The following DOCK6 variants were observed in gnomAD, a reference collection of about 807,000 sequenced individuals.
DOCK6 encodes dedicator of cytokinesis protein 6.
DOCK6 carries 167 observed loss-of-function variants against 230.3 expected under a neutral mutation model. That is an observed-to-expected ratio of 0.73 (90% CI 0.64 to 0.82). The LOEUF (loss-of-function observed/expected upper bound fraction) is 0.82. DOCK6 is among the 40% of genes least tolerant of loss of function. DOCK6 has a pLI of 0.00. For missense variants in DOCK6, 2,598 were observed against 2,825.8 expected (o/e 0.92, Z 1.83); for synonymous variants, 1,148 against 1,185.0 (o/e 0.97, Z 0.64).
intron 39 of DOCK6, among the ~76,000 whole-genome samples, chr19:11,204,629 T>C (rs1456466268): frequency 6.6e-6 from 1 of 152,038 alleles, no homozygotes; most frequent in African/African-American, 2.4e-5. Context: ...AACCTCCAAC[T>C]CCTGGGCTCA....
Position 11,216,908 on chromosome 19 carries a change from T to G in DOCK6, c.3894+6A>C, listed in dbSNP as rs2079497678. 1 of 1,613,564 alleles carries G rather than the reference T, an allele frequency of 6.2e-7. No individual in the cohort carries two copies. The highest frequency in any genetic ancestry group is 1.1e-5 in the South Asian group (1 of 91,066). On this transcript the variant is annotated splice_donor_region_variant and intron_variant, in intron 30 of 47. Coordinates refer to ENST00000294618, the MANE Select transcript of DOCK6 (RefSeq NM_020812.4). ...CCTCCATCATCTCCTGCCCACGCCC[T>G]CAAACCTTGTACTCAAAGGCAGCTA... is the stretch of plus-strand genomic sequence containing the variant.
At chr19:11,219,184 T>G (rs1294225246) in intron 28 of DOCK6, among the ~76,000 whole-genome samples, 2 of 121,056 alleles carry the variant, frequency 1.7e-5, no homozygotes, top group Admixed American at 8.5e-5. Flanking sequence ...GTTTTTTTTT[T>G]TTTTTTTTTT....
intron 39 of DOCK6, among the ~76,000 whole-genome samples, chr19:11,207,144 TTAA>T (rs2079275901): frequency 6.6e-6 from 1 of 152,130 alleles, no homozygotes; most frequent in Non-Finnish European, 1.5e-5. Context: ...GGGATTTGCT[TTAA>T]GCTGGAGCTT....
intron 3 of DOCK6, 37 bp from the exon 4 acceptor site, chr19:11,252,587 G>T (rs779931176): frequency 1.2e-6 from 2 of 1,613,088 alleles, no homozygotes; most frequent in Non-Finnish European, 1.7e-6. Context: ...CAGAGACAAG[G>T]CCTCTGTGAA....
intron 14 of DOCK6, chr19:11,240,111 A>G (rs1337063680): frequency 1.9e-6 from 3 of 1,551,360 alleles, no homozygotes; most frequent in Non-Finnish European, 2.6e-6. Context: ...ACATCCTACT[A>G]GTGACCCACT....
rs977509262 is a variant in DOCK6, at chr19:11,245,991, G to C, written c.807-113C>G. 7.6e-6 allele frequency: 9 copies of C among 1,183,990 alleles called. No individual in the cohort carries two copies. The Admixed American group carries it at 2.2e-4, about 29-fold the overall frequency. 73.3% of individuals were successfully genotyped at this position (1,183,990 alleles called of 1,614,324 possible). On this transcript the variant is annotated intron_variant, in intron 7 of 47. Coordinates refer to ENST00000294618, the MANE Select transcript of DOCK6 (RefSeq NM_020812.4). The stretch of plus-strand genomic sequence containing the variant: ...CATCTGACTCCCACTGGGCCACATG[G>C]AACCGCCACTTAAGGGCTTGCAGAA...
chr19:11,207,074 C>A (rs2079274521), intron 39 of DOCK6, among the ~76,000 whole-genome samples: 1 of 152,112 alleles, frequency 6.6e-6, no homozygotes, highest in Admixed American at 6.5e-5. Context: ...ACCTCGTGAT[C>A]CGCCTGCCTT....
chr19:11,219,663 G>A (rs555647456), intron 28 of DOCK6, among the ~76,000 whole-genome samples: 2 of 151,556 alleles, frequency 1.3e-5, no homozygotes, highest in African/African-American at 2.4e-5. Flanking sequence ...GGTGACGGGC[G>A]CCTGTAGTCC....
At chr19:11,225,487 T>A (rs2079648932) in intron 24 of DOCK6, among the ~76,000 whole-genome samples, 1 of 151,968 alleles carries the variant, frequency 6.6e-6, no homozygotes, top group African/African-American at 2.4e-5. Context: ...CCAGGCCATC[T>A]CCTGGCATGG....
In DOCK6 at chr19:11,215,931, G is replaced by C; in HGVS notation, c.3895-4C>G. The C allele has an allele frequency of 6.2e-7, 1 of 1,613,654 alleles. No individual in the cohort carries two copies. The highest frequency in any genetic ancestry group is 1.3e-5 in the African/African-American group (1 of 74,976). ...TGCGTTCAAAGGCCTTTTTCCCCTGGGGGTGCAGAGAACTGGGGTTCCAGG... is the reference window on the plus strand; with the variant it reads ...TGCGTTCAAAGGCCTTTTTCCCCTGCGGGTGCAGAGAACTGGGGTTCCAGG... On this transcript the variant is annotated splice_polypyrimidine_tract_variant and splice_region_variant and intron_variant, in intron 30 of 47. Coordinates refer to ENST00000294618, the MANE Select transcript of DOCK6 (RefSeq NM_020812.4).
chr19:11,227,314 C>A, intron 24 of DOCK6, 23 bp downstream of exon 24: 1 of 1,611,230 alleles, frequency 6.2e-7, no homozygotes, highest in Non-Finnish European at 8.5e-7. Flanking sequence ...TTTCTTCCCA[C>A]ATTGAGACCC....
At chr19:11,241,459 G>A (rs940570679) in intron 14 of DOCK6, 2 of 1,550,050 alleles carry the variant, frequency 1.3e-6, no homozygotes, top group African/African-American at 2.7e-5. Context: ...ACGCTGACAA[G>A]CAGAGCCACA....
rs36003864 is a variant in DOCK6 at position 11,216,977 on chromosome 19, T to C, written c.3831A>G (p.Thr1277=). ...CCAACAGACGTCCCAGCTGGGGGAGTGTCAGGTCAGTGGCCCAGCGCTGCA... is the reference window on the plus strand; with the variant it reads ...CCAACAGACGTCCCAGCTGGGGGAGCGTCAGGTCAGTGGCCCAGCGCTGCA... ...ALLQRWATDL[T]LPQLGRLLDL... is the part of the protein sequence containing the mutation. Residue 1277 remains threonine (T), a synonymous_variant, in exon 30 of 48, where the codon ACA becomes ACG. Transcript: ENST00000294618. The C allele has an allele frequency of 6.2e-6, 10 of 1,613,004 alleles. No homozygotes were observed. In the African/African-American group the frequency reaches 1.1e-4, roughly 17 times the overall value.
At chr19:11,228,863 G>T in intron 23 of DOCK6, 77 bp downstream of exon 23, 1 of 1,433,820 alleles carries the variant, frequency 7.0e-7, no homozygotes, top group Non-Finnish European at 9.7e-7. Context: ...TGCCTGGCCA[G>T]GGGGCTTCTC....
In DOCK6 at chr19:11,227,324, C is replaced by A; in HGVS notation, c.2955+13G>T. 1 of 1,613,106 alleles carries A rather than the reference C, an allele frequency of 6.2e-7. No homozygotes were observed. The highest frequency in any genetic ancestry group is 8.5e-7 in the Non-Finnish European group (1 of 1,179,298). On this transcript the variant is annotated intron_variant, in intron 24 of 47. Transcript: ENST00000294618. ...TCAGGTTTCTTCCCACATTGAGACC[C>A]TGCATCTCTCACCTTGTGGACACGG...
rs773463237 is a variant in DOCK6, at chr19:11,252,916, C to T, written c.175G>A (p.Val59Ile). 3 of 1,612,922 alleles carry T rather than the reference C, an allele frequency of 1.9e-6. No individual in the cohort carries two copies. The South Asian group carries it at 3.3e-5, about 18-fold the overall frequency. Residue 59 changes from valine to isoleucine, a missense_variant, in exon 3 of 48, where the codon GTA becomes ATA. Coordinates refer to ENST00000294618, the MANE Select transcript of DOCK6 (RefSeq NM_020812.4). Reference sequence around the variant, plus strand: ...GCATCTGGTGGCCGGCTCAGAAGTACATCCTCAAAGTCCAGGGGCTCGACA... The same window carrying T: ...GCATCTGGTGGCCGGCTCAGAAGTATATCCTCAAAGTCCAGGGGCTCGACA... Reference protein sequence around the residue: ...EVVEPLDFEDVLLSRPPDAEP... With the variant: ...EVVEPLDFEDILLSRPPDAEP...
chr19:11,239,616 G>A (rs1371542518), intron 14 of DOCK6: 5 of 1,613,178 alleles, frequency 3.1e-6, no homozygotes, highest in Non-Finnish European at 4.2e-6. Flanking sequence ...CAGTGCTGTG[G>A]CTATACCTTA....
rs2079774817 is a variant in DOCK6, at chr19:11,232,142, T to C, written c.2718+1061A>G. On this transcript the variant is annotated intron_variant, in intron 22 of 47. Transcript: ENST00000294618. ...CCAGGAAGGTGGGAGGAGCTCATGC[T>C]GAGGTGGTGTCACATGAGTGCAGGG... 5 of 1,255,500 alleles carry C rather than the reference T, an allele frequency of 4.0e-6. No homozygotes were observed. The African/African-American group carries it at 7.7e-5, about 19-fold the overall frequency. 77.8% of individuals were successfully genotyped at this position (1,255,500 alleles called of 1,614,324 possible).
In DOCK6 at chr19:11,246,271, T is replaced by C. The variant is rs561216902; in HGVS notation, c.807-393A>G. Among the ~76,000 whole-genome samples the C allele has an allele frequency of 2.1e-4, 32 of 151,852 alleles. 1 individual carries two copies. The East Asian group carries it at 3.9e-3, about 18-fold the overall frequency. ...TTAGTAGAGACAGGGTTTCTATGTA[T>C]GTATTTATTTATTATATAGAGACGG... is the stretch of plus-strand genomic sequence containing the variant. On this transcript the variant is annotated intron_variant, in intron 7 of 47. Coordinates refer to ENST00000294618, the MANE Select transcript of DOCK6 (RefSeq NM_020812.4).
Sources: gnomAD v4.1 joint callset for allele counts (sites outside exome capture counted in the v4.1 genomes callset) on GRCh38, gnomAD v4.1.1 for gene constraint, MANE v1.5 for transcripts, NCBI Gene and HGNC (gene_info 2026-07-23, HGNC 2026-07-21) for gene names.